The following CCDC68 variants were observed in gnomAD, a reference collection of about 807,000 sequenced individuals.
CCDC68 encodes the protein coiled-coil domain containing 68.
In CCDC68, 45 loss-of-function variants were observed where a neutral mutation model predicts 47.1. That is an observed-to-expected ratio of 0.96 (90% CI 0.75 to 1.23). The LOEUF (loss-of-function observed/expected upper bound fraction) is 1.23. Ranked by LOEUF, CCDC68 falls within the 50% of genes most tolerant of loss-of-function variation. The pLI is 0.00. For synonymous variants in CCDC68, 131 were observed against 129.5 expected (o/e 1.01, Z -0.08); for missense variants, 353 against 373.6 (o/e 0.94, Z 0.45).
chr18:54,904,215 C>T lies in CCDC68; in HGVS notation c.*143G>A. The T allele has an allele frequency of 1.6e-6, 1 of 620,788 alleles. No homozygotes were observed. The highest frequency in any genetic ancestry group is 2.8e-5 in the East Asian group (1 of 35,532). The allele number at this position is 620,788 out of a possible 1,614,324, so 38.5% of individuals were successfully genotyped here. A position where few individuals can be genotyped will look rare whatever the true frequency, so the allele number is the denominator to read the frequency against. On this transcript the variant is annotated 3_prime_UTR_variant, in exon 12 of 12. Transcript: ENST00000591504. Reference sequence around the variant, plus strand: ...AGATTTGTTTGATTTTCTGAAATGTCATCTTCTTGCAAAGCCATTGGTATG... The same window carrying T: ...AGATTTGTTTGATTTTCTGAAATGTTATCTTCTTGCAAAGCCATTGGTATG...
intron 8 of CCDC68, among the ~76,000 whole-genome samples, chr18:54,923,751 A>G (rs2044101129): frequency 6.6e-6 from 1 of 151,376 alleles, no homozygotes; most frequent in Non-Finnish European, 1.5e-5. Flanking sequence ...TCACTCTGTC[A>G]CCCAGCCTGA....
chr18:54,933,255 T>C (rs932908841), intron 7 of CCDC68, among the ~76,000 whole-genome samples: 15 of 152,144 alleles, frequency 9.9e-5, no homozygotes, highest in Non-Finnish European at 2.1e-4. Flanking sequence ...CTAATTTTTG[T>C]ATTTTTAGTA....
At chr18:54,922,051 A>C (rs897008112) in intron 8 of CCDC68, among the ~76,000 whole-genome samples, 7 of 152,116 alleles carry the variant, frequency 4.6e-5, no homozygotes, top group African/African-American at 1.7e-4. Flanking sequence ...TTCAGATGAA[A>C]ACGCTTTGTG....
chr18:54,936,023 T>C (rs1808512034), intron 6 of CCDC68, among the ~76,000 whole-genome samples: 1 of 150,692 alleles, frequency 6.6e-6, no homozygotes, highest in Admixed American at 6.6e-5. Context: ...CTGTACATGA[T>C]TTTTATTTTT....
At chr18:54,926,484 A>G (rs564972925) in intron 8 of CCDC68, among the ~76,000 whole-genome samples, 2 of 152,362 alleles carry the variant, frequency 1.3e-5, no homozygotes, top group South Asian at 4.1e-4. Context: ...GGTTTCTCCC[A>G]TGACATGTAG....
At chr18:54,914,625 C>G (rs1326095524) in intron 10 of CCDC68, among the ~76,000 whole-genome samples, 3 of 151,134 alleles carry the variant, frequency 2.0e-5, no homozygotes, top group Non-Finnish European at 4.4e-5. Context: ...GACTCCATCT[C>G]AAAAAAAGAA....
At chr18:54,932,791 T>C (rs2044285882) in intron 7 of CCDC68, among the ~76,000 whole-genome samples, 1 of 152,214 alleles carries the variant, frequency 6.6e-6, no homozygotes, top group Admixed American at 6.5e-5. Context: ...CTCCTCTGCC[T>C]TTGACTGGGC....
intron 8 of CCDC68, among the ~76,000 whole-genome samples, chr18:54,927,247 G>T (rs1048851893): frequency 6.6e-6 from 1 of 152,164 alleles, no homozygotes; most frequent in Admixed American, 6.5e-5. Context: ...AAGCCTGGAT[G>T]TTGGAAAAAC....
rs150153887 is a variant in CCDC68, at chr18:54,902,337, C to A, written c.*2021G>T. On this transcript the variant is annotated 3_prime_UTR_variant, in exon 12 of 12. Coordinates refer to ENST00000591504, the MANE Select transcript of CCDC68 (RefSeq NM_025214.3). ...AAGATTGTCAGGTCAGTTAAATAAG[C>A]CCATTCCAAAATCTGAAATTTATTA... The A allele has an allele frequency of 2.6e-5, 4 of 152,242 alleles. No individual in the cohort carries two copies. The highest frequency in any genetic ancestry group is 9.6e-5 in the African/African-American group (4 of 41,536). The allele number at this position is 152,242 out of a possible 1,614,324, so 9.4% of individuals were successfully genotyped here. A position where few individuals can be genotyped will look rare whatever the true frequency, so the allele number is the denominator to read the frequency against.
At chr18:54,909,252 G>C (rs1914198618) in intron 10 of CCDC68, among the ~76,000 whole-genome samples, 1 of 152,168 alleles carries the variant, frequency 6.6e-6, no homozygotes, top group African/African-American at 2.4e-5. Flanking sequence ...CCATATAAAA[G>C]TGTCTGCGAC....
At chr18:54,942,166 C>T (rs2044449350) in intron 3 of CCDC68, among the ~76,000 whole-genome samples, 1 of 152,164 alleles carries the variant, frequency 6.6e-6, no homozygotes, top group Admixed American at 6.5e-5. Flanking sequence ...TATATTTCTG[C>T]CAGCCATTAT....
In CCDC68 at chr18:54,903,509, T is replaced by C. The variant is rs1913799898; in HGVS notation, c.*849A>G. 1 of 152,230 alleles carries C rather than the reference T, an allele frequency of 6.6e-6. No homozygotes were observed. Among genetic ancestry groups the C allele is most frequent in the Non-Finnish European group, 1.5e-5 (1 of 68,038 alleles). 9.4% of individuals were successfully genotyped at this position (152,230 alleles called of 1,614,324 possible). On this transcript the variant is annotated 3_prime_UTR_variant, in exon 12 of 12. Transcript: ENST00000591504. ...AGTCATTATTCCTTTGAGCCTATAA[T>C]ATATACATTTTCATGGAAGTATGAG...
chr18:54,941,328 G>A (rs1169260490), intron 3 of CCDC68, among the ~76,000 whole-genome samples: 1 of 152,088 alleles, frequency 6.6e-6, no homozygotes, highest in Non-Finnish European at 1.5e-5. Context: ...TATCACTTAA[G>A]TGAATATTAT....
intron 11 of CCDC68, among the ~76,000 whole-genome samples, 171 bp from the exon 12 acceptor site, chr18:54,904,586 A>G (rs914600581): frequency 3.3e-5 from 5 of 152,238 alleles, no homozygotes; most frequent in Admixed American, 2.6e-4. Flanking sequence ...CATGATATAC[A>G]GTAGAATCGC....
chr18:54,955,219 G>T (rs1377986760), intron 1 of CCDC68, among the ~76,000 whole-genome samples: 2 of 152,146 alleles, frequency 1.3e-5, no homozygotes, highest in Admixed American at 1.3e-4. Context: ...CATACAGGAG[G>T]CTGAGTGAGG....
chr18:54,953,038 G>T (rs1396540187), intron 1 of CCDC68, among the ~76,000 whole-genome samples: 2 of 152,066 alleles, frequency 1.3e-5, no homozygotes, highest in East Asian at 3.9e-4. Context: ...ATGTATTACG[G>T]ATACACCCAA....
At chr18:54,945,105 G>A (rs2145603718) in intron 2 of CCDC68, among the ~76,000 whole-genome samples, 1 of 152,278 alleles carries the variant, frequency 6.6e-6, no homozygotes, top group African/African-American at 2.4e-5. Flanking sequence ...GTGAAATTGT[G>A]TTACATTTGG....
chr18:54,932,807 G>T (rs1428181069), intron 7 of CCDC68, among the ~76,000 whole-genome samples: 17 of 152,194 alleles, frequency 1.1e-4, no homozygotes, highest in Non-Finnish European at 1.5e-5. Flanking sequence ...TGGGCTTTCA[G>T]CCTCCCTAAA....
intron 8 of CCDC68, among the ~76,000 whole-genome samples, chr18:54,923,049 A>G (rs2145450012): frequency 6.6e-6 from 1 of 151,912 alleles, no homozygotes; most frequent in Non-Finnish European, 1.5e-5. Context: ...AATTGGGTCC[A>G]TAGCTGGTGC....
Sources: allele counts gnomAD v4.1 joint callset (sites outside exome capture counted in the v4.1 genomes callset), GRCh38; gene constraint gnomAD v4.1.1; transcripts MANE v1.5; gene names NCBI Gene and HGNC (gene_info 2026-07-23, HGNC 2026-07-21).